Variants in BBS9 observed in about 807,000 individuals in gnomAD.
BBS9 encodes protein PTHB1.
A neutral mutation model predicts 117.7 loss-of-function variants in BBS9; 89 were observed. The observed-to-expected ratio is 0.76, with a 90% CI of 0.64 to 0.90. The LOEUF (loss-of-function observed/expected upper bound fraction) is 0.90, where lower values mean the gene tolerates loss of function less well. Ranked by LOEUF, BBS9 falls within the 40% of genes least tolerant of loss-of-function variation. The pLI is 0.00. For missense variants in BBS9, 982 were observed against 1,042.2 expected (o/e 0.94, Z 0.80); for synonymous variants, 379 against 370.9 (o/e 1.02, Z -0.25).
At chr7:33,595,245 G>A (rs555693006) in intron 21 of BBS9, among the ~76,000 whole-genome samples, 6 of 152,142 alleles carry the variant, frequency 3.9e-5, no homozygotes, top group African/African-American at 1.2e-4. Flanking sequence ...CTATATCATC[G>A]GAGTAACAGG....
At chr7:33,517,222 G>C (rs1032768793) in intron 20 of BBS9, among the ~76,000 whole-genome samples, 3 of 151,506 alleles carry the variant, frequency 2.0e-5, no homozygotes, top group Non-Finnish European at 4.4e-5. Context: ...TTATGTGCTA[G>C]GCATTGATCA....
chr7:33,185,092 T>TAATTAGTG (rs1157577502), intron 5 of BBS9, among the ~76,000 whole-genome samples: 1 of 152,202 alleles, frequency 6.6e-6, no homozygotes, highest in African/African-American at 2.4e-5. Flanking sequence ...TAATGCATTA[T>TAATTAGTG]AATTAGTGAT....
intron 5 of BBS9, among the ~76,000 whole-genome samples, chr7:33,255,204 A>G (rs1270364911): frequency 6.6e-6 from 1 of 152,034 alleles, no homozygotes; most frequent in East Asian, 1.9e-4. Flanking sequence ...TTTGTGTCCT[A>G]TCCAAAAAAT....
intron 4 of BBS9, among the ~76,000 whole-genome samples, chr7:33,158,157 G>A (rs141695301): frequency 4.6e-4 from 70 of 152,260 alleles, no homozygotes; most frequent in African/African-American, 1.6e-3. Context: ...TACGTAATCT[G>A]ATTTACTTAA....
At chr7:33,549,925 C>T (rs1854091902) in intron 21 of BBS9, among the ~76,000 whole-genome samples, 1 of 152,180 alleles carries the variant, frequency 6.6e-6, no homozygotes, top group African/African-American at 2.4e-5. Context: ...AATAACTTTT[C>T]TCACATATTC....
intron 20 of BBS9, among the ~76,000 whole-genome samples, chr7:33,506,611 T>C (rs1316417345): frequency 1.3e-5 from 2 of 152,208 alleles, no homozygotes; most frequent in African/African-American, 4.8e-5. Flanking sequence ...TAACTCTTTC[T>C]GTCTGCCTAT....
At chr7:33,520,961 G>A (rs1462753664) in intron 20 of BBS9, among the ~76,000 whole-genome samples, 1 of 152,050 alleles carries the variant, frequency 6.6e-6, no homozygotes, top group African/African-American at 2.4e-5. Flanking sequence ...GCTTTCCCCT[G>A]GATTTGCATT....
chr7:33,438,424 A>G (rs1220333813), intron 19 of BBS9, among the ~76,000 whole-genome samples: 1 of 152,218 alleles, frequency 6.6e-6, no homozygotes, highest in Non-Finnish European at 1.5e-5. Context: ...TCTACCAGGA[A>G]AGGAGTATGT....
intron 21 of BBS9, 146 bp downstream of exon 21, chr7:33,534,322 C>A (rs1851040242): frequency 4.9e-6 from 4 of 823,430 alleles, no homozygotes; most frequent in Middle Eastern, 3.4e-4. Flanking sequence ...TCTGACATCC[C>A]AGGGTAACCC....
chr7:33,395,490 C>CTT, intron 19 of BBS9, among the ~76,000 whole-genome samples: 1 of 152,134 alleles, frequency 6.6e-6, no homozygotes, highest in Non-Finnish European at 1.5e-5. Context: ...CACTTCAACA[C>CTT]TAACCCTCTG....
At chr7:33,418,342 T>C (rs931168557) in intron 19 of BBS9, among the ~76,000 whole-genome samples, 1 of 152,184 alleles carries the variant, frequency 6.6e-6, no homozygotes, top group African/African-American at 2.4e-5. Context: ...AGATTGATGA[T>C]GTATTTTAAC....
chr7:33,528,175 G>A (rs1043738709), intron 20 of BBS9, among the ~76,000 whole-genome samples: 3 of 151,714 alleles, frequency 2.0e-5, no homozygotes, highest in African/African-American at 4.8e-5. Context: ...CTTTAATACA[G>A]TTTGTTATTA....
At chr7:33,270,224 C>T (rs1034419459) in intron 7 of BBS9, among the ~76,000 whole-genome samples, 2 of 152,090 alleles carry the variant, frequency 1.3e-5, no homozygotes, top group East Asian at 1.9e-4. Flanking sequence ...ACTCAATTTA[C>T]ACCTCACGAA....
At chr7:33,526,203 T>C (rs1849473602) in intron 20 of BBS9, among the ~76,000 whole-genome samples, 2 of 152,094 alleles carry the variant, frequency 1.3e-5, no homozygotes, top group South Asian at 4.1e-4. Flanking sequence ...ATTTCAACTT[T>C]GGTGAATCTG....
chr7:33,557,506 G>A (rs1403497610), intron 21 of BBS9, among the ~76,000 whole-genome samples: 1 of 149,420 alleles, frequency 6.7e-6, no homozygotes, highest in Non-Finnish European at 1.5e-5. Flanking sequence ...ATAACTGACA[G>A]ACTTATTCTC....
chr7:33,581,571 A>C (rs1207153674), intron 21 of BBS9, among the ~76,000 whole-genome samples: 1 of 152,178 alleles, frequency 6.6e-6, no homozygotes, highest in Non-Finnish European at 1.5e-5. Context: ...AGTAGTAACA[A>C]ACGGAGCCCA....
Position 33,614,160 on chromosome 7 carries a change from A to G in BBS9, c.2522-21017A>G, listed in dbSNP as rs571332859. ...GTGTTGAACAACTTCATGCCAGTAAATACAAAAACTTCAGTGAAATGGTTA... is the reference window on the plus strand; with the variant it reads ...GTGTTGAACAACTTCATGCCAGTAAGTACAAAAACTTCAGTGAAATGGTTA... On this transcript the variant is annotated intron_variant, in intron 21 of 21. Transcript: ENST00000671952. Among the ~76,000 whole-genome samples, 4 of 152,230 alleles carry G rather than the reference A, an allele frequency of 2.6e-5. No individual in the cohort carries two copies. The East Asian group carries it at 7.7e-4, about 29-fold the overall frequency.
Position 33,383,251 on chromosome 7 carries a change from G to C in BBS9, c.1790-415G>C, listed in dbSNP as rs530114893. The stretch of plus-strand genomic sequence containing the variant: ...GAATTATGCTGATTGCAGTATCCAG[G>C]GTATTGAATTTTATATAGAATCAAT... On this transcript the variant is annotated intron_variant, in intron 17 of 22. Transcript: ENST00000242067. Among the ~76,000 whole-genome samples the C allele has an allele frequency of 1.3e-4, 20 of 152,116 alleles. 1 individual carries two copies. In the South Asian group the frequency reaches 4.2e-3, roughly 32 times the overall value.
At chr7:33,423,968 G>C (rs1335897520) in intron 19 of BBS9, among the ~76,000 whole-genome samples, 6 of 152,118 alleles carry the variant, frequency 3.9e-5, no homozygotes, top group African/African-American at 1.4e-4. Flanking sequence ...TTAATTTCTT[G>C]ATTGGTTTAA....
Sources: allele counts gnomAD v4.1 joint callset (sites outside exome capture counted in the v4.1 genomes callset), GRCh38; gene constraint gnomAD v4.1.1; transcripts MANE v1.5; gene names NCBI Gene and HGNC (gene_info 2026-07-23, HGNC 2026-07-21).